FMN1: variants seen among roughly 807,000 people sequenced by gnomAD.
The protein encoded by FMN1 is formin 1.
Under a neutral mutation model 132.4 loss-of-function variants are expected in FMN1, and 110 were observed. The ratio of observed to expected loss-of-function variants is 0.83; its 90% confidence interval spans 0.71 to 0.97. The LOEUF (loss-of-function observed/expected upper bound fraction) is 0.97. FMN1 is among the 50% of genes least tolerant of loss of function. FMN1 has a pLI of 0.00. For missense variants in FMN1, 1,792 were observed against 1,705.3 expected (o/e 1.05, Z -0.90); for synonymous variants, 722 against 651.7 (o/e 1.11, Z -1.64).
chr15:32,989,323 G>A (rs1161207826), intron 7 of FMN1, among the ~76,000 whole-genome samples: 1 of 152,186 alleles, frequency 6.6e-6, no homozygotes, highest in Non-Finnish European at 1.5e-5. Context: ...TCTGCTAAGT[G>A]CCTAAGTCAA....
intron 6 of FMN1, 37 bp downstream of exon 6, chr15:33,064,920 G>T: frequency 7.0e-7 from 1 of 1,429,606 alleles, no homozygotes; most frequent in Non-Finnish European, 9.8e-7. Context: ...TGCAGGAAGA[G>T]ATTCATTCCC....
chr15:32,880,674 C>T (rs1430155258), intron 16 of FMN1, among the ~76,000 whole-genome samples: 3 of 152,082 alleles, frequency 2.0e-5, no homozygotes, highest in Non-Finnish European at 4.4e-5. Context: ...TTAATCTGTC[C>T]TCATATTTGA....
intron 7 of FMN1, among the ~76,000 whole-genome samples, chr15:33,001,631 CTTT>C (rs200187763): frequency 8.7e-6 from 1 of 115,008 alleles, no homozygotes; most frequent in African/African-American, 3.2e-5. Flanking sequence ...GGTCTTTGTG[CTTT>C]TTTTTTTGGT....
intron 6 of FMN1, among the ~76,000 whole-genome samples, chr15:33,016,695 A>G (rs2140989618): frequency 6.6e-6 from 1 of 152,280 alleles, no homozygotes; most frequent in East Asian, 1.9e-4. Flanking sequence ...CACGTCAGCA[A>G]AAGCACAGGA....
chr15:32,963,761 A>G (rs1159943506), intron 9 of FMN1, among the ~76,000 whole-genome samples: 3 of 152,148 alleles, frequency 2.0e-5, no homozygotes, highest in Non-Finnish European at 2.9e-5. Context: ...TAATGGCTGA[A>G]AAAGTCCAGA....
intron 15 of FMN1, among the ~76,000 whole-genome samples, chr15:32,895,150 C>T (rs1331998173): frequency 1.3e-5 from 2 of 152,124 alleles, no homozygotes; most frequent in East Asian, 3.9e-4. Flanking sequence ...TAAAAGGTTA[C>T]ACGTATTTCT....
At chr15:32,889,893 CCT>C (rs1567334326) in intron 15 of FMN1, among the ~76,000 whole-genome samples, 2 of 152,010 alleles carry the variant, frequency 1.3e-5, no homozygotes, top group South Asian at 2.1e-4. Flanking sequence ...TACACTGCAC[CCT>C]CTTTGTAGTA....
intron 4 of FMN1, among the ~76,000 whole-genome samples, chr15:33,120,696 T>C (rs1391478025): frequency 1.3e-5 from 2 of 152,204 alleles, no homozygotes; most frequent in Admixed American, 6.5e-5. Flanking sequence ...ATCATTCTTT[T>C]AAGTGACTAC....
chr15:33,145,212 G>A lies in FMN1; in HGVS notation c.1867+7836C>T, dbSNP rs1421982187. Among the ~76,000 whole-genome samples, 25 of 151,922 alleles carry A rather than the reference G, an allele frequency of 1.6e-4. 1 individual carries two copies. The highest frequency in any genetic ancestry group is 1.6e-3 in the Admixed American group (25 of 15,236). Reference sequence around the variant, plus strand: ...GTGCCTCTTGATGCTTCCAAAATGGGCACCAGGGCTGCTGTAGTCAAAGGT... The same window carrying A: ...GTGCCTCTTGATGCTTCCAAAATGGACACCAGGGCTGCTGTAGTCAAAGGT... On this transcript the variant is annotated intron_variant, in intron 4 of 20. Coordinates refer to ENST00000616417, the MANE Select transcript of FMN1 (RefSeq NM_001277313.2).
intron 9 of FMN1, among the ~76,000 whole-genome samples, chr15:32,962,091 C>T (rs73372945): frequency 1.1e-4 from 17 of 151,260 alleles, no homozygotes; most frequent in African/African-American, 4.2e-4. Flanking sequence ...AATATAAGCT[C>T]CACAGGGCAA....
At chr15:32,929,968 G>C (rs1355144829) in intron 9 of FMN1, among the ~76,000 whole-genome samples, 2 of 142,142 alleles carry the variant, frequency 1.4e-5, no homozygotes, top group Admixed American at 1.4e-4. Flanking sequence ...TCATATGGTA[G>C]TTCTATTTTT....
intron 16 of FMN1, among the ~76,000 whole-genome samples, chr15:32,874,314 C>T (rs2059590086): frequency 6.6e-6 from 1 of 152,008 alleles, no homozygotes; most frequent in Non-Finnish European, 1.5e-5. Flanking sequence ...AGCCACCAAG[C>T]CCGGCCTATA....
intron 17 of FMN1, among the ~76,000 whole-genome samples, chr15:32,815,029 G>T (rs191935884): frequency 1.3e-5 from 2 of 151,888 alleles, no homozygotes; most frequent in African/African-American, 4.8e-5. Flanking sequence ...TGCAAGCTCC[G>T]CCTCCCGGGT....
chr15:32,977,370 T>C (rs2032295260), intron 7 of FMN1, among the ~76,000 whole-genome samples: 1 of 152,318 alleles, frequency 6.6e-6, no homozygotes, highest in African/African-American at 2.4e-5. Flanking sequence ...AGATACTTTC[T>C]AGTCACAGAT....
chr15:32,815,853 C>T (rs574864747), intron 17 of FMN1, among the ~76,000 whole-genome samples: 1 of 152,324 alleles, frequency 6.6e-6, no homozygotes, highest in Non-Finnish European at 1.5e-5. Flanking sequence ...AGGTTCTACA[C>T]TGTGGATTAA....
chr15:33,050,030 A>G (rs2036895049), intron 6 of FMN1, among the ~76,000 whole-genome samples: 1 of 152,232 alleles, frequency 6.6e-6, no homozygotes. Flanking sequence ...ACAGTATTCA[A>G]CAAATTATAT....
chr15:33,191,554 G>A (rs925746949), intron 2 of FMN1, among the ~76,000 whole-genome samples: 2 of 152,168 alleles, frequency 1.3e-5, no homozygotes, highest in African/African-American at 4.8e-5. Flanking sequence ...GCGTAGATAA[G>A]CACAGAAATC....
intron 15 of FMN1, among the ~76,000 whole-genome samples, chr15:32,893,490 T>A (rs996534344): frequency 8.5e-5 from 13 of 152,240 alleles, no homozygotes; most frequent in Non-Finnish European, 1.6e-4. Flanking sequence ...TGACTCTACA[T>A]GGGTTTCTTT....
At chr15:33,064,896 G>C (rs915908757) in intron 6 of FMN1, 61 bp downstream of exon 6, 3 of 1,155,172 alleles carry the variant, frequency 2.6e-6, no homozygotes, top group African/African-American at 1.5e-5. Flanking sequence ...AACTAAGCTA[G>C]AACTAAAAGC....
Sources: allele counts gnomAD v4.1 joint callset (sites outside exome capture counted in the v4.1 genomes callset), GRCh38; gene constraint gnomAD v4.1.1; transcripts MANE v1.5; gene names NCBI Gene and HGNC (gene_info 2026-07-23, HGNC 2026-07-21).